Variants in PRICKLE1 observed in about 807,000 individuals in gnomAD.
The protein encoded by PRICKLE1 is prickle-like protein 1.
A neutral mutation model predicts 70.2 loss-of-function variants in PRICKLE1; 14 were observed. The observed-to-expected ratio is 0.20, with a 90% CI of 0.13 to 0.31. PRICKLE1 has a LOEUF of 0.31. PRICKLE1 is among the 10% of genes least tolerant of loss of function. The pLI is 1.00. For synonymous variants in PRICKLE1, 357 were observed against 379.9 expected (o/e 0.94, Z 0.70); for missense variants, 821 against 1,026.2 (o/e 0.80, Z 2.73).
At chr12:42,569,507 G>C (rs1940673867) in intron 1 of PRICKLE1, among the ~76,000 whole-genome samples, 1 of 152,078 alleles carries the variant, frequency 6.6e-6, no homozygotes, top group Non-Finnish European at 1.5e-5. Flanking sequence ...GTCGGTTTAA[G>C]CATATTCTAT....
At position 42,470,370 on chromosome 12, in the gene PRICKLE1, G is replaced by C. The variant is rs1465268762; in HGVS notation, c.133-11C>G. The C allele has an allele frequency of 6.5e-7, 1 of 1,544,684 alleles. No individual in the cohort carries two copies. The stretch of plus-strand genomic sequence containing the variant: ...AAAATAGAGCTGGATCTGCAAAAGA[G>C]ACAGTGAGAATGGCATCAACATACA... On this transcript the variant is annotated splice_polypyrimidine_tract_variant and intron_variant, in intron 2 of 7. Transcript: ENST00000345127.
At chr12:42,583,816 G>A (rs1021159972) in intron 1 of PRICKLE1, among the ~76,000 whole-genome samples, 6 of 152,150 alleles carry the variant, frequency 3.9e-5, no homozygotes, top group African/African-American at 7.2e-5. Context: ...AAGAGCCTAT[G>A]TGAAAACACC....
At chr12:42,531,879 C>T (rs937354313) in intron 1 of PRICKLE1, among the ~76,000 whole-genome samples, 1 of 151,916 alleles carries the variant, frequency 6.6e-6, no homozygotes, top group Non-Finnish European at 1.5e-5. Flanking sequence ...AATTTTTGCC[C>T]AGGTATGGTA....
At chr12:42,525,523 G>A (rs978844761) in intron 1 of PRICKLE1, among the ~76,000 whole-genome samples, 8 of 152,164 alleles carry the variant, frequency 5.3e-5, no homozygotes, top group Non-Finnish European at 1.2e-4. Context: ...GGGATCTGCT[G>A]TTCTCTCCAG....
chr12:42,534,482 T>C (rs1263657516), intron 1 of PRICKLE1, among the ~76,000 whole-genome samples: 1 of 152,144 alleles, frequency 6.6e-6, no homozygotes, highest in Non-Finnish European at 1.5e-5. Flanking sequence ...TTATTATCAT[T>C]AACAACAGAA....
intron 1 of PRICKLE1, among the ~76,000 whole-genome samples, chr12:42,528,736 T>C (rs1050688499): frequency 1.3e-5 from 2 of 152,218 alleles, no homozygotes; most frequent in Non-Finnish European, 2.9e-5. Flanking sequence ...CTCCACTGGA[T>C]ATCCTCACAG....
intron 1 of PRICKLE1, among the ~76,000 whole-genome samples, chr12:42,494,688 T>C (rs1349865326): frequency 3.3e-5 from 5 of 151,498 alleles, no homozygotes; most frequent in Non-Finnish European, 7.4e-5. Flanking sequence ...CCACTTGTAG[T>C]CCCAGCTACT....
intron 1 of PRICKLE1, among the ~76,000 whole-genome samples, chr12:42,531,293 G>A (rs193154972): frequency 0.012 from 1,798 of 151,886 alleles, 13 homozygotes; most frequent in Middle Eastern, 0.034. Flanking sequence ...TGATCCACCC[G>A]CCTCGGCCTC....
chr12:42,572,205 G>T (rs902036083), intron 1 of PRICKLE1, among the ~76,000 whole-genome samples: 1 of 151,964 alleles, frequency 6.6e-6, no homozygotes, highest in Non-Finnish European at 1.5e-5. Flanking sequence ...AGGCCGAGGC[G>T]GGCGGATTAC....
rs145255245 is a variant in PRICKLE1 at position 42,457,935 on chromosome 12, T to C, written c.*1874A>G. On this transcript the variant is annotated 3_prime_UTR_variant, in exon 8 of 8. Coordinates refer to ENST00000345127, the MANE Select transcript of PRICKLE1 (RefSeq NM_153026.3). The stretch of plus-strand genomic sequence containing the variant: ...CTGACTTTTGCCCTATTTGAATTTT[T>C]TTGTCATGTGTATGCACTTCCTTTT... The C allele has an allele frequency of 7.5e-4, 115 of 152,392 alleles. No individual in the cohort carries two copies. Among genetic ancestry groups the C allele is most frequent in the African/African-American group, 2.7e-3 (113 of 41,594 alleles). The allele number at this position is 152,392 out of a possible 1,614,324, so 9.4% of individuals were successfully genotyped here.
Position 42,539,205 on chromosome 12 carries a change from C to T in PRICKLE1, c.-49+50260G>A, listed in dbSNP as rs1025920507. On this transcript the variant is annotated intron_variant, in intron 1 of 7. Coordinates refer to ENST00000345127, the MANE Select transcript of PRICKLE1 (RefSeq NM_153026.3). ...CAATCTGGCTGGGCACGGTGGCTCACGCCTGTAATCCCAGCATTTTGGGAG... is the reference window on the plus strand; with the variant it reads ...CAATCTGGCTGGGCACGGTGGCTCATGCCTGTAATCCCAGCATTTTGGGAG... 3.9e-4 allele frequency among the ~76,000 whole-genome samples: 60 copies of T among 152,096 alleles called. 1 individual carries two copies. Among genetic ancestry groups the T allele is most frequent in the Non-Finnish European group, 1.3e-4 (9 of 68,024 alleles).
intron 1 of PRICKLE1, among the ~76,000 whole-genome samples, chr12:42,544,117 A>T (rs925173454): frequency 9.2e-5 from 14 of 152,142 alleles, no homozygotes; most frequent in African/African-American, 3.4e-4. Flanking sequence ...GGTGGAAGAA[A>T]ATCCACATAT....
chr12:42,567,063 C>A (rs941338813), intron 1 of PRICKLE1, among the ~76,000 whole-genome samples: 2 of 152,246 alleles, frequency 1.3e-5, no homozygotes, highest in East Asian at 3.9e-4. Context: ...GATCAACATA[C>A]CTTAACAAAA....
chr12:42,460,447 T>C lies in PRICKLE1; in HGVS notation c.1858A>G (p.Arg620Gly), dbSNP rs1937781224. The part of the protein sequence containing the change: ...EEKPVHLPVL[R>G]RSKSQSRPQQ... The stretch of plus-strand genomic sequence containing the variant: ...GGTCTGGATTGAGACTTGGACCTTC[T>C]GAGCACTGGCAGATGTACTGGCTTC... The change falls in exon 8 of 8, where the codon AGA (arginine) becomes GGA (glycine). Residue 620 changes from arginine (R) to glycine (G), a missense_variant. Coordinates refer to ENST00000345127, the MANE Select transcript of PRICKLE1 (RefSeq NM_153026.3). 4 of 1,614,000 alleles carry C rather than the reference T, an allele frequency of 2.5e-6. No homozygotes were observed. In the South Asian group the frequency reaches 4.4e-5, roughly 18 times the overall value.
At chr12:42,478,059 T>C (rs1441598486) in intron 1 of PRICKLE1, among the ~76,000 whole-genome samples, 2 of 151,654 alleles carry the variant, frequency 1.3e-5, no homozygotes, top group East Asian at 3.9e-4. Context: ...CCCAGACTCA[T>C]CAATGGTTTA....
intron 1 of PRICKLE1, among the ~76,000 whole-genome samples, chr12:42,574,029 C>T (rs1429239037): frequency 6.6e-6 from 1 of 152,048 alleles, no homozygotes; most frequent in Non-Finnish European, 1.5e-5. Context: ...AACCAGGAAC[C>T]CCACCTGGCT....
At chr12:42,576,831 G>A (rs141715895) in intron 1 of PRICKLE1, among the ~76,000 whole-genome samples, 4 of 152,228 alleles carry the variant, frequency 2.6e-5, no homozygotes, top group Non-Finnish European at 4.4e-5. Context: ...AAAAGTGAGT[G>A]ATTTAATTAA....
At chr12:42,559,620 A>AT (rs199807403) in intron 1 of PRICKLE1, among the ~76,000 whole-genome samples, 13,013 of 61,918 alleles carry the variant, frequency 0.21, 1,253 homozygotes, top group South Asian at 0.34. Flanking sequence ...ATATATATAT[A>AT]TATATTTTTT....
At chr12:42,528,824 G>C (rs1189069033) in intron 1 of PRICKLE1, among the ~76,000 whole-genome samples, 2 of 152,120 alleles carry the variant, frequency 1.3e-5, no homozygotes, top group African/African-American at 4.8e-5. Flanking sequence ...GTGTAAGCTA[G>C]ACAACAAACA....
Sources: allele counts gnomAD v4.1 joint callset (sites outside exome capture counted in the v4.1 genomes callset), GRCh38; gene constraint gnomAD v4.1.1; transcripts MANE v1.5; gene names NCBI Gene and HGNC (gene_info 2026-07-23, HGNC 2026-07-21).